Variants in MMP16 observed in about 807,000 individuals in gnomAD.
MMP16 encodes the protein matrix metalloproteinase-16.
MMP16 carries 12 observed loss-of-function variants against 67.8 expected under a neutral mutation model. That is an observed-to-expected ratio of 0.18 (90% CI 0.11 to 0.29). The LOEUF is 0.29. MMP16 is among the 10% of genes least tolerant of loss of function. The probability of loss-of-function intolerance (pLI) is 1.00; values close to 1 mark genes in which losing one functional copy is unlikely to be tolerated. For synonymous variants in MMP16, 249 were observed against 255.9 expected, an observed-to-expected ratio of 0.97 and a Z score of 0.26; for missense variants, 475 against 765.7, an observed-to-expected ratio of 0.62 and a Z score of 4.48.
At chr8:88,157,539 A>C (rs1019040258) in intron 4 of MMP16, among the ~76,000 whole-genome samples, 1 of 151,956 alleles carries the variant, frequency 6.6e-6, no homozygotes, top group African/African-American at 2.4e-5. Flanking sequence ...TCATGTGTTG[A>C]TGCTAAGCCT....
chr8:88,041,717 C>T lies in MMP16; in HGVS notation c.1568G>A (p.Arg523Lys). The change falls in exon 10 of 10, where the codon AGA becomes AAA. Residue 523 changes from arginine to lysine, a missense_variant. By Grantham distance (26) the Arg-to-Lys change is conservative. This residue lies in a region of MMP16 where 23 missense variants were observed against 79.1 expected (regional missense o/e 0.29). Coordinates refer to ENST00000286614, the MANE Select transcript of MMP16 (RefSeq NM_005941.5). The surrounding 1 kb of genome is among the most constrained non-coding windows in gnomAD (Gnocchi z 6.0). Reference sequence around the variant, plus strand: ...GCCCATAAAATCCTTGAGGATGGATCTTGGATATCCAGGTTCTACCTTGAG... The same window carrying T: ...GCCCATAAAATCCTTGAGGATGGATTTTGGATATCCAGGTTCTACCTTGAG... ...QILKVEPGYP[R>K]SILKDFMGCD... 1 of 1,613,884 alleles carries T rather than the reference C, an allele frequency of 6.2e-7. No homozygotes were observed.
chr8:88,155,266 A>C (rs1808489444), intron 4 of MMP16, among the ~76,000 whole-genome samples: 1 of 152,098 alleles, frequency 6.6e-6, no homozygotes, highest in South Asian at 2.1e-4. Flanking sequence ...TGCAAAGGAC[A>C]TGCATGTAAT....
At chr8:88,161,895 T>C (rs576552304) in intron 4 of MMP16, among the ~76,000 whole-genome samples, 2 of 152,264 alleles carry the variant, frequency 1.3e-5, no homozygotes, top group African/African-American at 4.8e-5. Context: ...TGAGTTCTAG[T>C]TTGATTGCGC....
intron 4 of MMP16, among the ~76,000 whole-genome samples, chr8:88,142,938 T>C (rs1204184392): frequency 1.3e-5 from 2 of 152,216 alleles, no homozygotes; most frequent in Admixed American, 1.3e-4. Context: ...CAAGTCTTTA[T>C]CTGAAGACTA....
At chr8:88,171,878 G>C (rs745756221) in intron 3 of MMP16, among the ~76,000 whole-genome samples, 33 of 150,990 alleles carry the variant, frequency 2.2e-4, no homozygotes, top group Admixed American at 7.3e-4. Context: ...CTAGGCTGGA[G>C]TGCAGTGGCA....
At chr8:88,279,761 C>T (rs1810703422) in intron 1 of MMP16, among the ~76,000 whole-genome samples, 1 of 152,050 alleles carries the variant, frequency 6.6e-6, no homozygotes, top group Admixed American at 6.6e-5. Context: ...TATTAGAGGA[C>T]ATTCAACGAC....
At chr8:88,093,015 G>A (rs1379149938) in intron 6 of MMP16, among the ~76,000 whole-genome samples, 1 of 151,742 alleles carries the variant, frequency 6.6e-6, no homozygotes, top group Non-Finnish European at 1.5e-5. Flanking sequence ...AATATTCTAA[G>A]GAAATCCAGT....
chr8:88,042,830 A>T (rs1808150354), intron 9 of MMP16, among the ~76,000 whole-genome samples: 1 of 152,132 alleles, frequency 6.6e-6, no homozygotes, highest in Admixed American at 6.6e-5. Flanking sequence ...TTGGGCACAT[A>T]TCCAGTTTTT....
intron 1 of MMP16, among the ~76,000 whole-genome samples, chr8:88,299,371 G>C (rs140295431): frequency 2.0e-5 from 3 of 151,900 alleles, no homozygotes; most frequent in African/African-American, 7.3e-5. Context: ...TGCTAGCATC[G>C]TATCTCTTTA....
At chr8:88,300,409 A>G (rs867670270) in intron 1 of MMP16, among the ~76,000 whole-genome samples, 16 of 152,158 alleles carry the variant, frequency 1.1e-4, no homozygotes, top group Non-Finnish European at 5.9e-5. Context: ...AGCATGATGA[A>G]ATCTCACGCC....
Position 88,186,516 on chromosome 8 carries a change from A to G in MMP16, c.364T>C (p.Leu122=). ...KFHIRRKRYA[L]TGQKWQHKHI... ...TTGTGCTGCCATTTCTGTCCTGTCAATGCATATCGCTTTCGACGAATATGA... is the reference window on the plus strand; with the variant it reads ...TTGTGCTGCCATTTCTGTCCTGTCAGTGCATATCGCTTTCGACGAATATGA... The change falls in exon 3 of 10, where the codon TTG becomes CTG. Residue 122 remains leucine, a synonymous_variant. Transcript: ENST00000286614. 6.2e-7 allele frequency: 1 copy of G among 1,611,236 alleles called. No individual in the cohort carries two copies. Among genetic ancestry groups the G allele is most frequent in the Non-Finnish European group, 8.5e-7 (1 of 1,179,324 alleles).
At chr8:88,254,302 T>C (rs1262448682) in intron 1 of MMP16, among the ~76,000 whole-genome samples, 1 of 151,972 alleles carries the variant, frequency 6.6e-6, no homozygotes, top group Non-Finnish European at 1.5e-5. Context: ...CACACAGGCC[T>C]ATCAGAGAGT....
At chr8:88,071,345 G>C (rs1445872012) in intron 7 of MMP16, among the ~76,000 whole-genome samples, 1 of 151,766 alleles carries the variant, frequency 6.6e-6, no homozygotes, top group Non-Finnish European at 1.5e-5. Context: ...AATACCTTTA[G>C]GTATAATTAA....
intron 6 of MMP16, among the ~76,000 whole-genome samples, chr8:88,097,625 C>CA (rs34488162): frequency 0.32 from 21,873 of 67,502 alleles, 3,699 homozygotes; most frequent in Non-Finnish European, 0.42. Context: ...AACCCTGTCT[C>CA]AAAAAAAAAA....
At chr8:88,156,343 C>G (rs908434302) in intron 4 of MMP16, among the ~76,000 whole-genome samples, 5 of 150,528 alleles carry the variant, frequency 3.3e-5, no homozygotes, top group Non-Finnish European at 7.4e-5. Flanking sequence ...TCCTTATGCC[C>G]ACAGTCTTCT....
intron 1 of MMP16, among the ~76,000 whole-genome samples, chr8:88,315,988 G>C (rs912102387): frequency 1.3e-5 from 2 of 152,166 alleles, no homozygotes; most frequent in African/African-American, 4.8e-5. Context: ...TAAGTGGTTT[G>C]AATAGACCAA....
intron 7 of MMP16, among the ~76,000 whole-genome samples, chr8:88,067,461 C>G (rs1285927050): frequency 6.6e-6 from 1 of 152,002 alleles, no homozygotes; most frequent in Admixed American, 6.6e-5. Context: ...AACTGACATT[C>G]AATAAATTTA....
chr8:88,153,779 G>A (rs1808454606), intron 4 of MMP16, among the ~76,000 whole-genome samples: 2 of 150,606 alleles, frequency 1.3e-5, no homozygotes, highest in Non-Finnish European at 1.5e-5. Flanking sequence ...GAAAACCTAG[G>A]CATTACCATT....
intron 1 of MMP16, among the ~76,000 whole-genome samples, chr8:88,287,333 C>T (rs1453613518): frequency 1.3e-5 from 2 of 152,158 alleles, no homozygotes; most frequent in Admixed American, 1.3e-4. Context: ...AGCTCCCAAC[C>T]CTCTTCATAT....
Sources: allele counts gnomAD v4.1 joint callset (sites outside exome capture counted in the v4.1 genomes callset), GRCh38; gene constraint gnomAD v4.1.1; regional missense constraint gnomAD v4.1.1; non-coding constraint Gnocchi (gnomAD v3.1); transcripts MANE v1.5; gene names NCBI Gene and HGNC (gene_info 2026-07-23, HGNC 2026-07-21).